Variants in RFC3 observed in about 807,000 individuals in gnomAD.
RFC3 encodes the protein replication factor C subunit 3.
A neutral mutation model predicts 45.1 loss-of-function variants in RFC3; 41 were observed. The observed-to-expected ratio is 0.91, with a 90% CI of 0.71 to 1.18. RFC3 has a LOEUF of 1.18. RFC3 is among the 50% of genes most tolerant of loss of function. RFC3 has a pLI of 0.00. For synonymous variants in RFC3, 149 were observed against 144.0 expected (o/e 1.03, Z -0.25); for missense variants, 423 against 428.1 (o/e 0.99, Z 0.10).
chr13:33,966,060 TG>T, intron 8 of RFC3: 1 of 1,558,720 alleles, frequency 6.4e-7, no homozygotes, highest in Non-Finnish European at 8.9e-7. Flanking sequence ...GATAAACAAT[TG>T]ATTGGATAGT....
chr13:33,905,462 A>C, intron 8 of RFC3, among the ~76,000 whole-genome samples: 1 of 152,000 alleles, frequency 6.6e-6, no homozygotes, highest in East Asian at 1.9e-4. Context: ...TAAGGCAAAA[A>C]ATCTAAGCCT....
At chr13:33,831,456 C>T (rs2082103350) in intron 7 of RFC3, 102 bp downstream of exon 7, 3 of 658,912 alleles carry the variant, frequency 4.6e-6, no homozygotes, top group South Asian at 4.0e-5. Flanking sequence ...ATAATTAAAT[C>T]CTGAATCTAT....
At chr13:33,827,420 T>C (rs1466439714) in intron 4 of RFC3, among the ~76,000 whole-genome samples, 1 of 152,210 alleles carries the variant, frequency 6.6e-6, no homozygotes, top group East Asian at 1.9e-4. Context: ...AATAATGATA[T>C]GTGTATGTAA....
chr13:33,931,769 T>A (rs2082854090), intron 8 of RFC3, among the ~76,000 whole-genome samples: 1 of 152,124 alleles, frequency 6.6e-6, no homozygotes, highest in African/African-American at 2.4e-5. Context: ...AAGAGTCTCC[T>A]ACCTGCAATC....
intron 8 of RFC3, among the ~76,000 whole-genome samples, chr13:33,879,425 C>A (rs2082467944): frequency 6.6e-6 from 1 of 152,154 alleles, no homozygotes; most frequent in Non-Finnish European, 1.5e-5. Flanking sequence ...CTTGGATACT[C>A]AGCTCAAGAC....
intron 8 of RFC3, among the ~76,000 whole-genome samples, chr13:33,881,250 A>C (rs2082481647): frequency 6.6e-6 from 1 of 152,218 alleles, no homozygotes; most frequent in South Asian, 2.1e-4. Context: ...TGATCAACCA[A>C]AGCTACTCCC....
chr13:33,911,305 G>T (rs2082702463), intron 8 of RFC3, among the ~76,000 whole-genome samples: 2 of 152,192 alleles, frequency 1.3e-5, no homozygotes, highest in South Asian at 4.1e-4. Context: ...AGAACAGCCT[G>T]CTGTAAGTGT....
At chr13:33,969,750 C>T (rs993877545), downstream of RFC3, among the ~76,000 whole-genome samples, 6 of 151,996 alleles carry the variant, frequency 3.9e-5, no homozygotes, top group African/African-American at 9.7e-5. Context: ...TTCTTCAGCC[C>T]CCAGTTTCCT....
At chr13:33,958,757 C>T (rs565593985) in intron 8 of RFC3, among the ~76,000 whole-genome samples, 1 of 152,244 alleles carries the variant, frequency 6.6e-6, no homozygotes, top group South Asian at 2.1e-4. Flanking sequence ...AGCCACTTGA[C>T]CTTACTTGCA....
intron 8 of RFC3, chr13:33,850,167 G>A (rs920026409): frequency 2.6e-5 from 4 of 151,904 alleles, no homozygotes; most frequent in Non-Finnish European, 5.9e-5. Flanking sequence ...TTTTACATAG[G>A]TATGCATTTT....
At chr13:33,958,458 T>A (rs1052138925) in intron 8 of RFC3, among the ~76,000 whole-genome samples, 3 of 152,228 alleles carry the variant, frequency 2.0e-5, no homozygotes, top group Admixed American at 2.0e-4. Context: ...CTGAGATGGA[T>A]GTGTTTCAGT....
At chr13:33,961,824 C>T (rs1242388316) in intron 8 of RFC3, among the ~76,000 whole-genome samples, 1 of 152,200 alleles carries the variant, frequency 6.6e-6, no homozygotes, top group African/African-American at 2.4e-5. Flanking sequence ...AGCCTTGCAT[C>T]TCAGTAACCC....
At chr13:33,911,936 C>G (rs1407204918) in intron 8 of RFC3, among the ~76,000 whole-genome samples, 1 of 152,094 alleles carries the variant, frequency 6.6e-6, no homozygotes, top group Non-Finnish European at 1.5e-5. Flanking sequence ...AATGCTTCTT[C>G]TTGTCAGAGC....
At chr13:33,958,171 G>A (rs928976050) in intron 8 of RFC3, among the ~76,000 whole-genome samples, 2 of 152,164 alleles carry the variant, frequency 1.3e-5, no homozygotes, top group Non-Finnish European at 2.9e-5. Flanking sequence ...CATCAAAGTA[G>A]GTCTCAGATT....
intron 8 of RFC3, among the ~76,000 whole-genome samples, chr13:33,875,241 C>A (rs928351551): frequency 6.6e-6 from 1 of 152,158 alleles, no homozygotes; most frequent in African/African-American, 2.4e-5. Context: ...TATTAGCATA[C>A]TTACTACTGC....
chr13:33,827,059 A>G (rs989934982), intron 4 of RFC3, among the ~76,000 whole-genome samples: 1 of 152,150 alleles, frequency 6.6e-6, no homozygotes, highest in African/African-American at 2.4e-5. Flanking sequence ...CTTCTTTTTC[A>G]TCCATGAATA....
intron 8 of RFC3, among the ~76,000 whole-genome samples, chr13:33,940,144 T>C (rs138050676): frequency 6.6e-6 from 1 of 152,304 alleles, no homozygotes; most frequent in East Asian, 1.9e-4. Context: ...TTGTTGAATT[T>C]TTATCTAAAT....
intron 8 of RFC3, among the ~76,000 whole-genome samples, chr13:33,865,098 T>G (rs561054433): frequency 1.3e-5 from 2 of 152,172 alleles, no homozygotes; most frequent in Non-Finnish European, 2.9e-5. Flanking sequence ...AATGAAGACA[T>G]AGAAACATAG....
At chr13:33,975,753 A>G in the RFC3 span, among the ~76,000 whole-genome samples, 1 of 152,196 alleles carries the variant, frequency 6.6e-6, no homozygotes, top group African/African-American at 2.4e-5. Context: ...TTGCTGCCCA[A>G]CAGGTATGTG....
Sources: allele counts gnomAD v4.1 joint callset (sites outside exome capture counted in the v4.1 genomes callset), GRCh38; gene constraint gnomAD v4.1.1; transcripts MANE v1.5; gene names NCBI Gene and HGNC (gene_info 2026-07-23, HGNC 2026-07-21).